The following NOX3 variants were observed in gnomAD, a reference collection of about 807,000 sequenced individuals.
NOX3 encodes NADPH oxidase catalytic subunit-like 3.
A neutral mutation model predicts 76.7 loss-of-function variants in NOX3; 74 were observed. The observed-to-expected ratio is 0.96, with a 90% CI of 0.80 to 1.17. The LOEUF (loss-of-function observed/expected upper bound fraction) is 1.17. Among genes scored for constraint, NOX3 ranks in the 50% most tolerant of loss-of-function variants. The pLI is 0.00. For synonymous variants in NOX3, 263 were observed against 261.1 expected (o/e 1.01, Z -0.07); for missense variants, 695 against 703.3 (o/e 0.99, Z 0.13).
chr6:155,413,719 C>A (rs1168905241), intron 10 of NOX3, among the ~76,000 whole-genome samples: 1 of 152,144 alleles, frequency 6.6e-6, no homozygotes, highest in Non-Finnish European at 1.5e-5. Flanking sequence ...CTCACCTATG[C>A]ATGACCCCCT....
In NOX3 at chr6:155,411,214, C is replaced by T. The variant is rs768418794; in HGVS notation, c.1455G>A (p.Gln485=). Residue 485 remains glutamine, a splice_region_variant and synonymous_variant, in exon 11 of 14, where the codon CAG becomes CAA. Coordinates refer to ENST00000159060, the MANE Select transcript of NOX3 (RefSeq NM_015718.3). ...CTTATTCTCAGAGTCTTATCAGTAC[C>T]TGATTTTCATCCCAGCCGGTAAGAA... ...HIFLTGWDEN[Q]ALHIALHWDE... 6.2e-7 allele frequency: 1 copy of T among 1,613,128 alleles called. No individual in the cohort carries two copies. The highest frequency in any genetic ancestry group is 1.1e-5 in the South Asian group (1 of 90,884).
chr6:155,404,395 C>A (rs1430847382), intron 12 of NOX3, among the ~76,000 whole-genome samples: 1 of 151,930 alleles, frequency 6.6e-6, no homozygotes, highest in African/African-American at 2.4e-5. Flanking sequence ...GTTGGAAGCA[C>A]CTCATTTGGA....
chr6:155,417,434 G>A (rs1285327548), intron 10 of NOX3, among the ~76,000 whole-genome samples: 1 of 152,182 alleles, frequency 6.6e-6, no homozygotes, highest in East Asian at 1.9e-4. Context: ...CTGTAGTCAC[G>A]CAATCTGTGG....
chr6:155,418,223 A>AT (rs1019779020), intron 10 of NOX3, among the ~76,000 whole-genome samples: 1 of 152,004 alleles, frequency 6.6e-6, no homozygotes, highest in Admixed American at 6.6e-5. Flanking sequence ...AACCGTCCTA[A>AT]TTTTTTTTCA....
At chr6:155,432,972 A>G (rs1776854166) in intron 7 of NOX3, among the ~76,000 whole-genome samples, 1 of 152,208 alleles carries the variant, frequency 6.6e-6, no homozygotes, top group Non-Finnish European at 1.5e-5. Flanking sequence ...AAATGAGAGC[A>G]AGAATGCAGT....
rs1473074417 is a variant in NOX3 at position 155,455,069 on chromosome 6, C to T, written c.109G>A (p.Glu37Lys). 6.2e-7 allele frequency: 1 copy of T among 1,613,144 alleles called. No individual in the cohort carries two copies. Among genetic ancestry groups the T allele is most frequent in the Non-Finnish European group, 8.5e-7 (1 of 1,179,350 alleles). The change falls in exon 2 of 14, where the codon GAG (glutamate) becomes AAG (lysine). Residue 37 changes from glutamate to lysine, a missense_variant. Physicochemically the swap from Glu to Lys is moderately conservative, Grantham distance 56. Coordinates refer to ENST00000159060, the MANE Select transcript of NOX3 (RefSeq NM_015718.3). ...ACTCGTGTGTAATGGAAAGACTCCT[C>T]CTCTTCATACCAGTAGAACGTGTCA... ...FIDTFYWYEEEESFHYTRVIL... is the reference protein window; with the variant it reads ...FIDTFYWYEEKESFHYTRVIL...
At chr6:155,454,325 A>G (rs906767893) in intron 3 of NOX3, among the ~76,000 whole-genome samples, 3 of 152,234 alleles carry the variant, frequency 2.0e-5, no homozygotes, top group African/African-American at 7.2e-5. Context: ...TTTGTTTGAC[A>G]GGAAGCACAG....
chr6:155,453,180 C>T (rs1309326378), intron 4 of NOX3, among the ~76,000 whole-genome samples: 1 of 152,126 alleles, frequency 6.6e-6, no homozygotes, highest in Non-Finnish European at 1.5e-5. Context: ...AATGAAGTTT[C>T]ACCAACTTTT....
Position 155,439,962 on chromosome 6 carries a change from C to T in NOX3, c.662G>A (p.Gly221Glu). 3 of 1,613,424 alleles carry T rather than the reference C, an allele frequency of 1.9e-6. No individual in the cohort carries two copies. Among genetic ancestry groups the T allele is most frequent in the Non-Finnish European group, 2.5e-6 (3 of 1,179,762 alleles). The change falls in exon 6 of 14, where the codon GGG becomes GAG. Residue 221 changes from glycine (G) to glutamate (E), a missense_variant. Coordinates refer to ENST00000159060, the MANE Select transcript of NOX3 (RefSeq NM_015718.3). ...GAGCGCAGTATGGACTTACCCCGTC[C>T]CATGGATGGCCAGGCTGAGAAAGAA... ...IVFFLSLAIH[G>E]TGRIVRGQTQ...
At chr6:155,448,201 C>G (rs564653300) in intron 4 of NOX3, among the ~76,000 whole-genome samples, 3 of 152,260 alleles carry the variant, frequency 2.0e-5, no homozygotes, top group African/African-American at 7.2e-5. Flanking sequence ...CCCCTTCCAG[C>G]TGTGTGGCTC....
At position 155,416,744 on chromosome 6, in the gene NOX3, C is replaced by CTTT. The variant is rs534711414; in HGVS notation, c.1309-5387_1309-5385dup. 7.1e-3 allele frequency among the ~76,000 whole-genome samples: 657 copies of CTTT among 92,456 alleles called. 28 individuals carry two copies. Among genetic ancestry groups the CTTT allele is most frequent in the African/African-American group, 0.011 (262 of 24,078 alleles). 60.7% of individuals were successfully genotyped at this position (92,456 alleles called of 152,430 possible). A position where few individuals can be genotyped will look rare whatever the true frequency, so the allele number is the denominator to read the frequency against. ...GGACAACTGAAACATCTGAAACATTCTTTTTTTTTTTTTTTTTTTTTTTTG... is the reference window on the plus strand; with the variant it reads ...GGACAACTGAAACATCTGAAACATTCTTTTTTTTTTTTTTTTTTTTTTTTTTTG... On this transcript the variant is annotated intron_variant, in intron 10 of 13. Coordinates refer to ENST00000159060, the MANE Select transcript of NOX3 (RefSeq NM_015718.3).
chr6:155,434,883 G>A lies in NOX3; in HGVS notation c.798+1535C>T, dbSNP rs193062524. 4.2e-3 allele frequency among the ~76,000 whole-genome samples: 636 copies of A among 152,298 alleles called. 8 individuals are homozygous for A. The highest frequency in any genetic ancestry group is 0.025 in the Admixed American group (380 of 15,308). The stretch of plus-strand genomic sequence containing the variant: ...CTGGGAACAGTGAACCGCTGAAGGA[G>A]AAATGATACATATTCTATTGATCAG... On this transcript the variant is annotated intron_variant, in intron 7 of 13. Coordinates refer to ENST00000159060, the MANE Select transcript of NOX3 (RefSeq NM_015718.3).
chr6:155,411,180 G>C, intron 11 of NOX3, 34 bp downstream of exon 11: 1 of 1,599,128 alleles, frequency 6.3e-7, no homozygotes, highest in Non-Finnish European at 8.5e-7. Context: ...GATGAGTTCA[G>C]CAATATTGCT....
At chr6:155,417,818 C>A (rs1360490345) in intron 10 of NOX3, among the ~76,000 whole-genome samples, 1 of 152,038 alleles carries the variant, frequency 6.6e-6, no homozygotes, top group Non-Finnish European at 1.5e-5. Context: ...TGGCCTCTTT[C>A]CCTTGTTCCC....
intron 12 of NOX3, among the ~76,000 whole-genome samples, chr6:155,400,059 T>A (rs1305119380): frequency 5.3e-5 from 8 of 152,180 alleles, no homozygotes; most frequent in Non-Finnish European, 1.0e-4. Flanking sequence ...TTAGCTCTGA[T>A]AAACAATAAA....
At position 155,417,169 on chromosome 6, in the gene NOX3, C is replaced by T. The variant is rs151189867; in HGVS notation, c.1308+5525G>A. On this transcript the variant is annotated intron_variant, in intron 10 of 13. Transcript: ENST00000159060. ...ATCAGGTATTGACACTGACGGTGCC[C>T]GAAGTTATGCTTTAATGAAAAACAA... Among the ~76,000 whole-genome samples the T allele has an allele frequency of 3.7e-3, 564 of 152,224 alleles. 3 individuals carry two copies. Among genetic ancestry groups the T allele is most frequent in the African/African-American group, 0.013 (531 of 41,530 alleles).
intron 4 of NOX3, among the ~76,000 whole-genome samples, chr6:155,446,697 G>A (rs1373436883): frequency 6.6e-6 from 1 of 152,152 alleles, no homozygotes; most frequent in Non-Finnish European, 1.5e-5. Context: ...ACTCTGAATG[G>A]TTTACCTGGT....
chr6:155,434,145 G>A (rs575388472), intron 7 of NOX3, among the ~76,000 whole-genome samples: 1 of 152,146 alleles, frequency 6.6e-6, no homozygotes, highest in Non-Finnish European at 1.5e-5. Flanking sequence ...CAGGTCCCAC[G>A]TGTCTGAATC....
chr6:155,403,841 T>C (rs1409386904), intron 12 of NOX3, among the ~76,000 whole-genome samples: 1 of 152,162 alleles, frequency 6.6e-6, no homozygotes. Flanking sequence ...GCTCATGCCT[T>C]TTTGAGGGAA....
Sources: gnomAD v4.1 joint callset for allele counts (sites outside exome capture counted in the v4.1 genomes callset) on GRCh38, gnomAD v4.1.1 for gene constraint, MANE v1.5 for transcripts, NCBI Gene and HGNC (gene_info 2026-07-23, HGNC 2026-07-21) for gene names.